SNX24: variants seen among roughly 807,000 people sequenced by gnomAD.
SNX24 encodes the protein sorting nexin-24.
SNX24 carries 22 observed loss-of-function variants against 28.7 expected under a neutral mutation model. The ratio of observed to expected loss-of-function variants is 0.77; its 90% confidence interval spans 0.55 to 1.10. The LOEUF (loss-of-function observed/expected upper bound fraction) is 1.10, where lower values mean the gene tolerates loss of function less well. Among genes scored for constraint, SNX24 ranks in the 50% least tolerant of loss-of-function variants. SNX24 has a pLI of 0.00. For missense variants in SNX24, 221 were observed against 201.1 expected (o/e 1.10, Z -0.60); for synonymous variants, 69 against 71.5 (o/e 0.96, Z 0.18).
At chr5:123,023,302 T>G (rs1208302915) in intron 5 of SNX24, 1 of 152,252 alleles carries the variant, frequency 6.6e-6, no homozygotes, top group African/African-American at 2.4e-5. Context: ...TTCTAATCTG[T>G]TCACTGTTAA....
At position 122,891,217 on chromosome 5, in the gene SNX24, G is replaced by T. The variant is rs149662618; in HGVS notation, c.61-45517G>T. The stretch of plus-strand genomic sequence containing the variant: ...TATTTTTCTGGTTGAAATGGTTTAG[G>T]AATGTTGACTTTAAAGTGCCTATTT... On this transcript the variant is annotated intron_variant, in intron 1 of 6. Transcript: ENST00000261369. The T allele has an allele frequency of 3.0e-3, 3,844 of 1,264,330 alleles. 7 individuals carry two copies. The highest frequency in any genetic ancestry group is 3.7e-3 in the Non-Finnish European group (3,560 of 969,056). The allele number at this position is 1,264,330 out of a possible 1,614,324, so 78.3% of individuals were successfully genotyped here.
intron 1 of SNX24, among the ~76,000 whole-genome samples, chr5:122,894,475 A>T (rs1175033477): frequency 6.6e-6 from 1 of 152,158 alleles, no homozygotes; most frequent in Non-Finnish European, 1.5e-5. Context: ...ATTCACAAGA[A>T]TCCTCCTCAT....
At chr5:122,992,273 T>C (rs1561707414) in intron 3 of SNX24, among the ~76,000 whole-genome samples, 1 of 152,262 alleles carries the variant, frequency 6.6e-6, no homozygotes, top group East Asian at 1.9e-4. Context: ...ACATATGTTG[T>C]AGTTGTAGTC....
intron 1 of SNX24, among the ~76,000 whole-genome samples, chr5:122,867,406 T>C (rs1207109430): frequency 6.6e-6 from 1 of 152,166 alleles, no homozygotes; most frequent in Non-Finnish European, 1.5e-5. Flanking sequence ...ACTCTGCCCC[T>C]TTCATGATGG....
intron 1 of SNX24, among the ~76,000 whole-genome samples, chr5:122,870,703 T>G (rs907342027): frequency 2.0e-5 from 3 of 152,170 alleles, no homozygotes; most frequent in Non-Finnish European, 2.9e-5. Context: ...CAGCATTTCT[T>G]GTAAGCGGGC....
rs868015161 is a variant in SNX24 at position 122,935,227 on chromosome 5, A to G, written c.61-1507A>G. 9.8e-4 allele frequency among the ~76,000 whole-genome samples: 150 copies of G among 152,332 alleles called. 2 individuals are homozygous for G. Among genetic ancestry groups the G allele is most frequent in the African/African-American group, 3.6e-3 (148 of 41,578 alleles). On this transcript the variant is annotated intron_variant, in intron 1 of 6. Transcript: ENST00000261369. The stretch of plus-strand genomic sequence containing the variant: ...TTCAATCTGGGACTGATAGTAAAAA[A>G]GGGGCTCTGTAGCCTATTAACCAAA...
At chr5:122,942,410 C>A (rs142852490) in intron 2 of SNX24, among the ~76,000 whole-genome samples, 2 of 152,204 alleles carry the variant, frequency 1.3e-5, no homozygotes, top group Non-Finnish European at 2.9e-5. Context: ...GAGGAAGTAG[C>A]GGTGGCAATA....
At chr5:122,965,342 G>A (rs375508362) in intron 3 of SNX24, 8 of 408,078 alleles carry the variant, frequency 2.0e-5, no homozygotes, top group East Asian at 7.2e-5. Context: ...AATTGCTGCC[G>A]ACTGGCTGCC....
At chr5:122,871,657 C>T (rs990364804) in intron 1 of SNX24, among the ~76,000 whole-genome samples, 3 of 152,098 alleles carry the variant, frequency 2.0e-5, no homozygotes, top group Non-Finnish European at 4.4e-5. Flanking sequence ...GTAATCCCAG[C>T]TACTCGGGAG....
At chr5:122,919,286 T>C (rs1446152264) in intron 1 of SNX24, among the ~76,000 whole-genome samples, 2 of 152,196 alleles carry the variant, frequency 1.3e-5, no homozygotes, top group African/African-American at 4.8e-5. Context: ...CTCTAAGAGA[T>C]TGCATGTAAA....
At chr5:122,931,344 G>C (rs1408151420) in intron 1 of SNX24, among the ~76,000 whole-genome samples, 3 of 151,998 alleles carry the variant, frequency 2.0e-5, no homozygotes, top group Admixed American at 6.6e-5. Context: ...ACAATTAAAT[G>C]TTTTCTTATT....
intron 1 of SNX24, among the ~76,000 whole-genome samples, chr5:122,919,745 G>A (rs1377098561): frequency 6.6e-6 from 1 of 152,160 alleles, no homozygotes; most frequent in Non-Finnish European, 1.5e-5. Context: ...TTTTTGCACA[G>A]TAAGCCAGGA....
intron 1 of SNX24, among the ~76,000 whole-genome samples, chr5:122,903,277 T>C (rs1757514207): frequency 6.6e-6 from 1 of 152,024 alleles, no homozygotes. Flanking sequence ...CTGGCTAATA[T>C]TCGTATTTTT....
At chr5:123,019,957 A>G (rs1421784657) in intron 5 of SNX24, among the ~76,000 whole-genome samples, 3 of 152,266 alleles carry the variant, frequency 2.0e-5, no homozygotes, top group Admixed American at 1.3e-4. Flanking sequence ...GTCATCTGGC[A>G]TAACAGGTAA....
chr5:122,989,608 C>T (rs759285165), intron 3 of SNX24, among the ~76,000 whole-genome samples: 34 of 152,050 alleles, frequency 2.2e-4, no homozygotes, highest in Non-Finnish European at 3.4e-4. Context: ...TGATATTGCT[C>T]TTTGTTATTT....
chr5:122,892,726 C>G (rs1757026316), intron 1 of SNX24, among the ~76,000 whole-genome samples: 1 of 151,534 alleles, frequency 6.6e-6, no homozygotes. Flanking sequence ...GCGTGAGCCA[C>G]CGTGCCCAGC....
chr5:122,990,792 G>A (rs182520755), intron 3 of SNX24, among the ~76,000 whole-genome samples: 3 of 152,110 alleles, frequency 2.0e-5, no homozygotes, highest in Non-Finnish European at 4.4e-5. Flanking sequence ...TATTAAATCT[G>A]TTTTGGTTCG....
intron 1 of SNX24, among the ~76,000 whole-genome samples, chr5:122,889,948 A>G (rs551844404): frequency 2.0e-5 from 3 of 151,698 alleles, no homozygotes; most frequent in Non-Finnish European, 4.4e-5. Flanking sequence ...CAAGATCCAA[A>G]TAGTACATTA....
intron 5 of SNX24, among the ~76,000 whole-genome samples, chr5:123,015,748 C>A (rs1316940186): frequency 6.6e-6 from 1 of 152,006 alleles, no homozygotes; most frequent in Admixed American, 6.6e-5. Flanking sequence ...TGTTCAATTT[C>A]TTTTTAATTA....
Sources: gnomAD v4.1 joint callset for allele counts (sites outside exome capture counted in the v4.1 genomes callset) on GRCh38, gnomAD v4.1.1 for gene constraint, MANE v1.5 for transcripts, NCBI Gene and HGNC (gene_info 2026-07-23, HGNC 2026-07-21) for gene names.